The following PTPRD variants were observed in gnomAD, a reference collection of about 807,000 sequenced individuals.
The protein encoded by PTPRD is protein tyrosine phosphatase receptor type D.
Under a neutral mutation model 214.5 loss-of-function variants are expected in PTPRD, and 34 were observed. The ratio of observed to expected loss-of-function variants is 0.16; its 90% CI spans 0.12 to 0.21. The LOEUF is 0.21. Among genes scored for constraint, PTPRD ranks in the 10% least tolerant of loss-of-function variants. The probability of loss-of-function intolerance (pLI) is 1.00; values close to 1 mark genes in which losing one functional copy is unlikely to be tolerated. For missense variants in PTPRD, 2,545 were observed against 2,398.7 expected (o/e 1.06, Z -1.27); for synonymous variants, 1,128 against 845.7 (o/e 1.33, Z -5.79).
intron 11 of PTPRD, among the ~76,000 whole-genome samples, chr9:9,005,836 G>C (rs2099461554): frequency 6.6e-6 from 1 of 151,920 alleles, no homozygotes; most frequent in Non-Finnish European, 1.5e-5. Flanking sequence ...TACTCTGATT[G>C]TTCAGTGGCT....
chr9:8,748,779 C>T (rs1034062079), intron 11 of PTPRD, among the ~76,000 whole-genome samples: 4 of 152,036 alleles, frequency 2.6e-5, no homozygotes, highest in South Asian at 2.1e-4. Flanking sequence ...GGCATGGTGG[C>T]GCATGCCTGT....
At chr9:8,919,615 T>C (rs965537853) in intron 11 of PTPRD, among the ~76,000 whole-genome samples, 1 of 152,322 alleles carries the variant, frequency 6.6e-6, no homozygotes, top group Non-Finnish European at 1.5e-5. Flanking sequence ...TCCTATTTTT[T>C]CCATATACAG....
At chr9:9,784,315 A>G (rs2098897894) in intron 5 of PTPRD, among the ~76,000 whole-genome samples, 1 of 152,098 alleles carries the variant, frequency 6.6e-6, no homozygotes, top group African/African-American at 2.4e-5. Flanking sequence ...GGAAAATTTT[A>G]AAGTGAATAT....
At chr9:9,756,409 A>C (rs574800628) in intron 6 of PTPRD, among the ~76,000 whole-genome samples, 1 of 152,262 alleles carries the variant, frequency 6.6e-6, no homozygotes, top group South Asian at 2.1e-4. Flanking sequence ...CAGTTTTAAC[A>C]ATGGTTTACG....
At chr9:10,190,658 C>G (rs1046381888) in intron 3 of PTPRD, among the ~76,000 whole-genome samples, 1 of 126,830 alleles carries the variant, frequency 7.9e-6, no homozygotes, top group Non-Finnish European at 1.6e-5. Flanking sequence ...GCAGAAAGTA[C>G]AGTAAGCCAA....
At chr9:8,355,163 C>CTGAT (rs2076657955) in intron 39 of PTPRD, among the ~76,000 whole-genome samples, 2 of 152,004 alleles carry the variant, frequency 1.3e-5, no homozygotes, top group Non-Finnish European at 2.9e-5. Context: ...TACATGAGAA[C>CTGAT]TGATTGTTTA....
At position 8,427,487 on chromosome 9, in the gene PTPRD, A is replaced by G. The variant is rs1030430157; in HGVS notation, c.4086+9105T>C. ...ATCACCTGCTGTGTGCCGAGCGGTG[A>G]GCTTGTTACCACGTGGCCAACAGCA... On this transcript the variant is annotated intron_variant, in intron 35 of 45. Coordinates refer to ENST00000381196, the MANE Select transcript of PTPRD (RefSeq NM_002839.4). Among the ~76,000 whole-genome samples, 3 of 151,912 alleles carry G rather than the reference A, an allele frequency of 2.0e-5. No individual in the cohort carries two copies. The East Asian group carries it at 5.8e-4, about 29-fold the overall frequency.
chr9:9,627,169 G>C (rs956383542), intron 7 of PTPRD, among the ~76,000 whole-genome samples: 3 of 152,150 alleles, frequency 2.0e-5, no homozygotes, highest in Middle Eastern at 3.4e-3. Flanking sequence ...ACAAAAATTA[G>C]CCAGGTGTAC....
intron 3 of PTPRD, among the ~76,000 whole-genome samples, chr9:10,278,371 G>A (rs530238405): frequency 6.6e-6 from 1 of 152,276 alleles, no homozygotes; most frequent in East Asian, 1.9e-4. Context: ...GGAGACTGCT[G>A]TACAAACAAA....
At chr9:10,387,818 G>GTT (rs1454360287) in intron 2 of PTPRD, among the ~76,000 whole-genome samples, 1 of 80,596 alleles carries the variant, frequency 1.2e-5, no homozygotes. Context: ...AAAAGATTTT[G>GTT]TCTTTTTTTT....
chr9:9,211,511 GCACGCACACACACACACACACACACA>G (rs2099948602), intron 9 of PTPRD, among the ~76,000 whole-genome samples: 1 of 107,846 alleles, frequency 9.3e-6, no homozygotes, highest in South Asian at 3.4e-4. Context: ...CCCAGTGTGC[GCACGCACACACACACACACACACACA>G]CACACACACA....
chr9:10,489,437 G>A (rs753898425), intron 2 of PTPRD, among the ~76,000 whole-genome samples: 13 of 152,144 alleles, frequency 8.5e-5, no homozygotes, highest in Non-Finnish European at 1.6e-4. Flanking sequence ...GGGGAGGGGT[G>A]ATGACAGCAA....
intron 4 of PTPRD, among the ~76,000 whole-genome samples, chr9:10,010,324 T>A (rs888254444): frequency 6.7e-6 from 1 of 148,342 alleles, no homozygotes; most frequent in Admixed American, 6.9e-5. Flanking sequence ...TTAAGCAAGA[T>A]GTCTACAATT....
At chr9:9,067,639 C>G (rs1161848114) in intron 10 of PTPRD, among the ~76,000 whole-genome samples, 1 of 152,032 alleles carries the variant, frequency 6.6e-6, no homozygotes, top group Non-Finnish European at 1.5e-5. Context: ...TCAAAATTAA[C>G]CTCTTTATTT....
At chr9:10,447,316 T>G (rs2098807043) in intron 2 of PTPRD, among the ~76,000 whole-genome samples, 1 of 151,972 alleles carries the variant, frequency 6.6e-6, no homozygotes. Flanking sequence ...AAGACTCTAT[T>G]TTAGGTTAAC....
chr9:10,486,660 C>A (rs2099134673), intron 2 of PTPRD, among the ~76,000 whole-genome samples: 1 of 152,142 alleles, frequency 6.6e-6, no homozygotes, highest in Non-Finnish European at 1.5e-5. Flanking sequence ...CCATTGTAGT[C>A]AGAGAAGATG....
intron 2 of PTPRD, among the ~76,000 whole-genome samples, chr9:10,391,896 T>C (rs2098074024): frequency 6.6e-6 from 1 of 151,812 alleles, no homozygotes; most frequent in Admixed American, 6.6e-5. Context: ...ACTTGCTATA[T>C]CTATTATCAA....
intron 9 of PTPRD, among the ~76,000 whole-genome samples, chr9:9,183,944 A>T (rs2099929809): frequency 6.6e-6 from 1 of 152,116 alleles, no homozygotes; most frequent in Non-Finnish European, 1.5e-5. Context: ...CCTCTGAAAC[A>T]TATAAAAAGG....
At chr9:9,511,131 T>G (rs887272948) in intron 8 of PTPRD, among the ~76,000 whole-genome samples, 2 of 151,766 alleles carry the variant, frequency 1.3e-5, no homozygotes, top group East Asian at 3.9e-4. Flanking sequence ...TTTTGTTTAT[T>G]TTTTTCCTAA....
Sources: gnomAD v4.1 joint callset for allele counts (sites outside exome capture counted in the v4.1 genomes callset) on GRCh38, gnomAD v4.1.1 for gene constraint, MANE v1.5 for transcripts, NCBI Gene and HGNC (gene_info 2026-07-23, HGNC 2026-07-21) for gene names.